The following RNF150 variants were observed in gnomAD, a reference collection of about 807,000 sequenced individuals.
The protein encoded by RNF150 is ring finger protein 150.
RNF150 carries 24 observed loss-of-function variants against 39.3 expected under a neutral mutation model. That is an observed-to-expected ratio of 0.61 (90% confidence interval 0.44 to 0.86). RNF150 has a LOEUF of 0.86. Ranked by LOEUF, RNF150 falls within the 40% of genes least tolerant of loss-of-function variation. The pLI, the probability that RNF150 is intolerant of heterozygous loss-of-function variation, is 0.00. For synonymous variants in RNF150, 255 were observed against 227.3 expected (o/e 1.12, Z -1.10); for missense variants, 502 against 587.8 (o/e 0.85, Z 1.51).
At chr4:141,144,081 G>T (rs1055037360) in intron 1 of RNF150, among the ~76,000 whole-genome samples, 8 of 152,008 alleles carry the variant, frequency 5.3e-5, no homozygotes, top group Non-Finnish European at 1.0e-4. Flanking sequence ...GCTTATCATG[G>T]TCTGGCTCAT....
chr4:140,950,044 C>T (rs542512419), intron 2 of RNF150, among the ~76,000 whole-genome samples: 1 of 152,188 alleles, frequency 6.6e-6, no homozygotes, highest in East Asian at 1.9e-4. Context: ...AGAAAATTAC[C>T]ATCATAATGA....
chr4:141,171,686 CACAAT>C (rs1261007042), intron 1 of RNF150, among the ~76,000 whole-genome samples: 5 of 152,216 alleles, frequency 3.3e-5, no homozygotes, highest in Non-Finnish European at 5.9e-5. Flanking sequence ...CCAAATTATA[CACAAT>C]TTGTATATAG....
chr4:141,199,967 T>C (rs12644523), intron 1 of RNF150, among the ~76,000 whole-genome samples: 43,807 of 152,014 alleles, frequency 0.29, 6,693 homozygotes, highest in African/African-American at 0.39. Flanking sequence ...TACATATATA[T>C]GTGCATATAT....
At chr4:140,881,399 A>AG (rs1201369183) in intron 6 of RNF150, among the ~76,000 whole-genome samples, 2 of 152,126 alleles carry the variant, frequency 1.3e-5, no homozygotes, top group African/African-American at 4.8e-5. Flanking sequence ...TGTGAGCTCA[A>AG]GGGATCCATC....
Position 141,132,382 on chromosome 4 carries a change from C to T in RNF150, c.427G>A (p.Val143Met), listed in dbSNP as rs763112134. 3 of 1,601,414 alleles carry T rather than the reference C, an allele frequency of 1.9e-6. No homozygotes were observed. Among genetic ancestry groups the T allele is most frequent in the Non-Finnish European group, 2.6e-6 (3 of 1,174,474 alleles). The part of the protein sequence containing the change: ...RNAFLQNASA[V>M]VIFNVGSNTN... ...TTGGAGCCCACGTTGAAGATGACCA[C>T]GGCTGAGGCGTTCTGCAGGAACGCG... The change falls in exon 1 of 7, where the codon GTG (valine) becomes ATG (methionine). Residue 143 changes from valine (V) to methionine (M), a missense_variant. Coordinates refer to ENST00000515673, the MANE Select transcript of RNF150 (RefSeq NM_020724.2). The surrounding 1 kb of genome is among the most constrained non-coding windows in gnomAD (Gnocchi z 4.9).
chr4:141,195,035 G>A (rs1728176415), intron 1 of RNF150, among the ~76,000 whole-genome samples: 1 of 151,814 alleles, frequency 6.6e-6, no homozygotes, highest in African/African-American at 2.4e-5. Flanking sequence ...CTTCAAAAAG[G>A]AAACATGAAA....
chr4:141,208,249 C>T (rs1041492137), intron 1 of RNF150, among the ~76,000 whole-genome samples: 1 of 152,188 alleles, frequency 6.6e-6, no homozygotes, highest in Non-Finnish European at 1.5e-5. Context: ...AGGCTTCCAG[C>T]CCCTGTACTA....
At chr4:141,211,423 AATT>A (rs1282048616) in intron 1 of RNF150, among the ~76,000 whole-genome samples, 4 of 152,150 alleles carry the variant, frequency 2.6e-5, no homozygotes, top group Non-Finnish European at 4.4e-5. Context: ...TTAAGTCAAT[AATT>A]ATTATCTGAT....
At chr4:141,207,387 A>C (rs1252720834) in intron 1 of RNF150, among the ~76,000 whole-genome samples, 2 of 152,172 alleles carry the variant, frequency 1.3e-5, no homozygotes, top group African/African-American at 2.4e-5. Flanking sequence ...GGGATGAGAA[A>C]TGTGGGAAAC....
intron 2 of RNF150, among the ~76,000 whole-genome samples, chr4:140,958,083 C>T (rs942553248): frequency 4.6e-5 from 7 of 151,976 alleles, no homozygotes; most frequent in African/African-American, 1.7e-4. Context: ...ATAAAAAACA[C>T]AGCATAACCA....
chr4:141,037,548 G>C (rs1023746853), intron 1 of RNF150, among the ~76,000 whole-genome samples: 2 of 152,032 alleles, frequency 1.3e-5, no homozygotes, highest in African/African-American at 4.8e-5. Flanking sequence ...TACTGTTAAG[G>C]CATTTTAGTC....
rs543779726 is a variant in RNF150 at position 140,926,980 on chromosome 4, C to T, written c.891-907G>A. On this transcript the variant is annotated intron_variant, in intron 4 of 6. Transcript: ENST00000515673. Reference sequence around the variant, plus strand: ...CTCTCTTTCTGTACTCCCTGCCTCTCACCCCTCTGCAATGGAGCAATGTTC... The same window carrying T: ...CTCTCTTTCTGTACTCCCTGCCTCTTACCCCTCTGCAATGGAGCAATGTTC... Among the ~76,000 whole-genome samples, 10 of 152,338 alleles carry T rather than the reference C, an allele frequency of 6.6e-5. No individual in the cohort carries two copies. In the South Asian group the frequency reaches 1.4e-3, roughly 22 times the overall value.
intron 1 of RNF150, chr4:141,053,705 G>T: frequency 7.0e-7 from 1 of 1,418,920 alleles, no homozygotes; most frequent in Non-Finnish European, 9.2e-7. Flanking sequence ...ATCAGCTTCA[G>T]GGGCTGGGCA....
At chr4:140,886,512 A>G (rs62344996) in intron 6 of RNF150, among the ~76,000 whole-genome samples, 20,585 of 152,230 alleles carry the variant, frequency 0.14, 1,696 homozygotes, top group East Asian at 0.38. Context: ...CAAATTCTTT[A>G]TATGTTCTGA....
At chr4:140,976,775 T>C (rs899383155) in intron 1 of RNF150, among the ~76,000 whole-genome samples, 1 of 152,082 alleles carries the variant, frequency 6.6e-6, no homozygotes, top group African/African-American at 2.4e-5. Context: ...TATTTCTCCA[T>C]GGAACCTGCC....
At chr4:140,923,230 G>A (rs1191402597) in intron 5 of RNF150, among the ~76,000 whole-genome samples, 1 of 152,004 alleles carries the variant, frequency 6.6e-6, no homozygotes, top group East Asian at 1.9e-4. Flanking sequence ...ATCTGACAAA[G>A]GGCTAATATC....
intron 1 of RNF150, among the ~76,000 whole-genome samples, chr4:141,024,100 G>T (rs80271605): frequency 6.6e-6 from 1 of 152,196 alleles, no homozygotes; most frequent in African/African-American, 2.4e-5. Context: ...GCTGCCGATG[G>T]GTTGGTCCTA....
At chr4:141,003,582 C>T (rs1454151673) in intron 1 of RNF150, among the ~76,000 whole-genome samples, 5 of 151,612 alleles carry the variant, frequency 3.3e-5, no homozygotes, top group Non-Finnish European at 7.4e-5. Context: ...CACACACACA[C>T]ACACACACAC....
intron 3 of RNF150, among the ~76,000 whole-genome samples, chr4:140,948,838 T>C (rs1483354722): frequency 1.3e-5 from 2 of 152,210 alleles, no homozygotes; most frequent in Non-Finnish European, 2.9e-5. Context: ...CATAAAGCTG[T>C]CTTGCTTGCA....
Sources: allele counts gnomAD v4.1 joint callset (sites outside exome capture counted in the v4.1 genomes callset), GRCh38; gene constraint gnomAD v4.1.1; non-coding constraint Gnocchi (gnomAD v3.1); transcripts MANE v1.5; gene names NCBI Gene and HGNC (gene_info 2026-07-23, HGNC 2026-07-21).